LAMA2: variants seen among roughly 807,000 people sequenced by gnomAD.
LAMA2 encodes the protein laminin subunit alpha 2.
Under a neutral mutation model 364.8 loss-of-function variants are expected in LAMA2, and 269 were observed. The observed-to-expected ratio is 0.74, with a 90% CI of 0.67 to 0.82. The LOEUF (loss-of-function observed/expected upper bound fraction) is 0.82, where lower values mean the gene tolerates loss of function less well. Ranked by LOEUF, LAMA2 falls within the 40% of genes least tolerant of loss-of-function variation. The probability of loss-of-function intolerance (pLI) is 0.00; values close to 1 mark genes in which losing one functional copy is unlikely to be tolerated. For missense variants in LAMA2, 3,807 were observed against 3,873.2 expected (o/e 0.98, Z 0.45); for synonymous variants, 1,379 against 1,370.6 (o/e 1.01, Z -0.14).
rs192337684 is a variant in LAMA2 at position 129,341,589 on chromosome 6, A to T, written c.4312-754A>T. On this transcript the variant is annotated intron_variant, in intron 29 of 64. Coordinates refer to ENST00000421865, the MANE Select transcript of LAMA2 (RefSeq NM_000426.4). Reference sequence around the variant, plus strand: ...CCCAAAGTCTAAGTAAATTTCTAGAAGGTAGGATGTTCTTTCATTGCCTGT... The same window carrying T: ...CCCAAAGTCTAAGTAAATTTCTAGATGGTAGGATGTTCTTTCATTGCCTGT... Among the ~76,000 whole-genome samples, 243 of 152,304 alleles carry T rather than the reference A, an allele frequency of 1.6e-3. 1 individual carries two copies. Among genetic ancestry groups the T allele is most frequent in the African/African-American group, 4.5e-3 (185 of 41,562 alleles).
intron 60 of LAMA2, among the ~76,000 whole-genome samples, chr6:129,504,233 C>A (rs1329355593): frequency 6.6e-6 from 1 of 152,130 alleles, no homozygotes; most frequent in Non-Finnish European, 1.5e-5. Flanking sequence ...TTATGACTAG[C>A]AAATACAGAT....
intron 40 of LAMA2, among the ~76,000 whole-genome samples, chr6:129,422,285 G>T (rs1264409499): frequency 1.3e-5 from 2 of 151,884 alleles, no homozygotes; most frequent in South Asian, 4.1e-4. Flanking sequence ...TTCCTAAAAA[G>T]CAGGGAAAAA....
intron 32 of LAMA2, among the ~76,000 whole-genome samples, chr6:129,360,606 T>A (rs573204784): frequency 1.1e-4 from 17 of 152,200 alleles, no homozygotes; most frequent in Non-Finnish European, 2.2e-4. Flanking sequence ...TATGGAAATG[T>A]GCTTGTACTT....
rs566419126 is a variant in LAMA2 at position 129,045,256 on chromosome 6, A to G, written c.113-4662A>G. Among the ~76,000 whole-genome samples the G allele has an allele frequency of 5.9e-5, 9 of 152,334 alleles. No individual in the cohort carries two copies. In the South Asian group the frequency reaches 1.9e-3, roughly 32 times the overall value. ...TAATAGAAACAAATCAAAGAAAAGA[A>G]TTGAAAGATCCTAAATGTAAATTTT... On this transcript the variant is annotated intron_variant, in intron 1 of 64. Coordinates refer to ENST00000421865, the MANE Select transcript of LAMA2 (RefSeq NM_000426.4).
chr6:129,304,467 G>A (rs895340722), intron 22 of LAMA2, among the ~76,000 whole-genome samples: 2 of 152,240 alleles, frequency 1.3e-5, no homozygotes, highest in African/African-American at 2.4e-5. Flanking sequence ...GTTTCACCGC[G>A]TTAGCCAGGA....
rs1272769471 is a variant in LAMA2 at position 129,453,145 on chromosome 6, T to G, written c.6573+14T>G. On this transcript the variant is annotated intron_variant, in intron 46 of 64. Transcript: ENST00000421865. ...AGTGCCAAATTTGTAAGTCTAATATTCAACTTTTCATTAGGCTGCTGTATG... is the reference window on the plus strand; with the variant it reads ...AGTGCCAAATTTGTAAGTCTAATATGCAACTTTTCATTAGGCTGCTGTATG... 1 of 1,608,824 alleles carries G rather than the reference T, an allele frequency of 6.2e-7. No individual in the cohort carries two copies. The highest frequency in any genetic ancestry group is 8.5e-7 in the Non-Finnish European group (1 of 1,176,420).
intron 2 of LAMA2, among the ~76,000 whole-genome samples, chr6:129,051,170 C>T (rs1562191229): frequency 6.9e-6 from 1 of 144,614 alleles, no homozygotes; most frequent in Non-Finnish European, 1.5e-5. Context: ...TCCTCGCTTA[C>T]CTCTCTCTCT....
chr6:129,102,205 T>C (rs1936575808), intron 4 of LAMA2, among the ~76,000 whole-genome samples: 1 of 150,984 alleles, frequency 6.6e-6, no homozygotes, highest in South Asian at 2.1e-4. Flanking sequence ...CTCAGCTCAC[T>C]GTAACCTCCG....
intron 29 of LAMA2, among the ~76,000 whole-genome samples, chr6:129,329,267 C>G (rs1035370106): frequency 6.6e-6 from 1 of 152,216 alleles, no homozygotes; most frequent in Non-Finnish European, 1.5e-5. Flanking sequence ...TCCTCCTCTT[C>G]CCTCAGTGTT....
At position 129,460,239 on chromosome 6, in the gene LAMA2, A is replaced by G. The variant is rs1306727051; in HGVS notation, c.6907A>G (p.Met2303Val). 1 of 1,612,018 alleles carries G rather than the reference A, an allele frequency of 6.2e-7. No individual in the cohort carries two copies. Among genetic ancestry groups the G allele is most frequent in the Admixed American group, 1.7e-5 (1 of 59,888 alleles). ...ACGTGTGATTACATTCACTGGCTGC[A>G]TGGGAGAAACATACTTTGACAACAA... is the stretch of plus-strand genomic sequence containing the variant. ...AVRVITFTGCMGETYFDNKPI... is the reference protein window; with the variant it reads ...AVRVITFTGCVGETYFDNKPI... The change falls in exon 49 of 65, where the codon ATG becomes GTG. Residue 2303 changes from methionine to valine, a missense_variant. Around this residue, in one of 3 missense-constraint regions of LAMA2, gnomAD observed 3,333 missense variants for 3,345.7 expected, o/e 1.00. Coordinates refer to ENST00000421865, the MANE Select transcript of LAMA2 (RefSeq NM_000426.4).
At chr6:128,892,405 C>A (rs959904736) in intron 1 of LAMA2, among the ~76,000 whole-genome samples, 15 of 151,914 alleles carry the variant, frequency 9.9e-5, no homozygotes, top group Non-Finnish European at 2.2e-4. Flanking sequence ...AAATGTGGTA[C>A]AATAAACGTT....
At chr6:129,213,507 G>C (rs1040479632) in intron 12 of LAMA2, among the ~76,000 whole-genome samples, 3 of 152,130 alleles carry the variant, frequency 2.0e-5, no homozygotes, top group African/African-American at 7.2e-5. Flanking sequence ...ATGAACAAGA[G>C]TTCCTGTTTC....
intron 1 of LAMA2, among the ~76,000 whole-genome samples, chr6:129,015,374 A>G (rs1785007444): frequency 6.6e-6 from 1 of 152,096 alleles, no homozygotes; most frequent in African/African-American, 2.4e-5. Flanking sequence ...CCCATAAGAC[A>G]GGAAAGATAC....
At chr6:129,389,571 A>T (rs982710233) in intron 35 of LAMA2, among the ~76,000 whole-genome samples, 1 of 152,204 alleles carries the variant, frequency 6.6e-6, no homozygotes, top group Non-Finnish European at 1.5e-5. Flanking sequence ...TCACGCTGCT[A>T]TAAAGAACTA....
chr6:129,270,837 C>A, intron 17 of LAMA2, 86 bp downstream of exon 17: 1 of 1,358,972 alleles, frequency 7.4e-7, no homozygotes. Context: ...TTCCTTTTAT[C>A]CCATGTAAAT....
intron 5 of LAMA2, among the ~76,000 whole-genome samples, chr6:129,145,235 A>C (rs1778365863): frequency 6.6e-6 from 1 of 152,010 alleles, no homozygotes; most frequent in African/African-American, 2.4e-5. Context: ...TACTCCTCAC[A>C]TGTTTTCTTT....
At chr6:129,292,989 G>C (rs1048930731) in intron 20 of LAMA2, 48 of 985,780 alleles carry the variant, frequency 4.9e-5, no homozygotes, top group Non-Finnish European at 4.7e-5. Flanking sequence ...AGCGCAACGG[G>C]TGCTGGGTTC....
At chr6:129,428,799 A>G (rs1320246655) in intron 41 of LAMA2, among the ~76,000 whole-genome samples, 1 of 152,202 alleles carries the variant, frequency 6.6e-6, no homozygotes, top group African/African-American at 2.4e-5. Flanking sequence ...AATGCACAAA[A>G]TATCTACTGC....
rs1375244221 is a variant in LAMA2, at chr6:129,311,442, C to G, written c.3175-1419C>G. On this transcript the variant is annotated intron_variant, in intron 22 of 64. Coordinates refer to ENST00000421865, the MANE Select transcript of LAMA2 (RefSeq NM_000426.4). The stretch of plus-strand genomic sequence containing the variant: ...GGCCTAATGAAGAACCAGAACTCAG[C>G]TTGGAAGTGTGGTGGGCCGCCATTA... Among the ~76,000 whole-genome samples, 4 of 152,258 alleles carry G rather than the reference C, an allele frequency of 2.6e-5. No homozygotes were observed. The East Asian group carries it at 7.7e-4, about 29-fold the overall frequency.
Sources: gnomAD v4.1 joint callset for allele counts (sites outside exome capture counted in the v4.1 genomes callset) on GRCh38, gnomAD v4.1.1 for gene constraint, gnomAD v4.1.1 regional missense constraint, MANE v1.5 for transcripts, NCBI Gene and HGNC (gene_info 2026-07-23, HGNC 2026-07-21) for gene names.